CCDC38: variants seen among roughly 807,000 people sequenced by gnomAD.
CCDC38 encodes the protein coiled-coil domain-containing protein 38.
CCDC38 carries 69 observed loss-of-function variants against 72.8 expected under a neutral mutation model. That is an observed-to-expected ratio of 0.95 (90% CI 0.78 to 1.16). CCDC38 has a LOEUF of 1.16. Ranked by LOEUF, CCDC38 falls within the 50% of genes most tolerant of loss-of-function variation. The pLI is 0.00. For synonymous variants in CCDC38, 201 were observed against 213.2 expected, an observed-to-expected ratio of 0.94 and a Z score of 0.50; for missense variants, 626 against 638.9, an observed-to-expected ratio of 0.98 and a Z score of 0.22.
At chr12:95,897,509 C>A (rs113061209) in intron 7 of CCDC38, among the ~76,000 whole-genome samples, 28,318 of 149,684 alleles carry the variant, frequency 0.19, 2,781 homozygotes, top group African/African-American at 0.24. Flanking sequence ...ACTCAAGTGG[C>A]TGAGGCAGGA....
At chr12:95,871,257 A>G (rs577789548) in intron 14 of CCDC38, among the ~76,000 whole-genome samples, 60 of 152,340 alleles carry the variant, frequency 3.9e-4, no homozygotes, top group African/African-American at 1.4e-3. Context: ...AAATATTTGG[A>G]GAAAAGCCCC....
chr12:95,927,368 T>G (rs961730978), intron 2 of CCDC38, among the ~76,000 whole-genome samples: 5 of 150,730 alleles, frequency 3.3e-5, no homozygotes, highest in African/African-American at 1.2e-4. Flanking sequence ...AACCCCTGCC[T>G]TTTTTTGTTT....
intron 5 of CCDC38, among the ~76,000 whole-genome samples, chr12:95,901,090 A>G (rs2079945628): frequency 6.6e-6 from 1 of 152,214 alleles, no homozygotes; most frequent in African/African-American, 2.4e-5. Flanking sequence ...TTATAACCCT[A>G]ATACATGCTA....
chr12:95,870,971 C>T (rs2079575016), intron 14 of CCDC38, among the ~76,000 whole-genome samples: 2 of 152,162 alleles, frequency 1.3e-5, no homozygotes, highest in South Asian at 2.1e-4. Flanking sequence ...ATAAAGAAAC[C>T]GACTAGAGTG....
chr12:95,909,632 C>T (rs941266047), intron 4 of CCDC38, among the ~76,000 whole-genome samples: 1 of 151,690 alleles, frequency 6.6e-6, no homozygotes, highest in Non-Finnish European at 1.5e-5. Context: ...CCTTGATGAA[C>T]ATAGACATGA....
intron 8 of CCDC38, among the ~76,000 whole-genome samples, chr12:95,893,378 C>T (rs2079849414): frequency 6.6e-6 from 1 of 150,602 alleles, no homozygotes; most frequent in South Asian, 2.1e-4. Flanking sequence ...TTTTTTGAGA[C>T]AGGTTTTCTT....
chr12:95,881,794 AG>A (rs2079703299), intron 10 of CCDC38, among the ~76,000 whole-genome samples: 1 of 152,220 alleles, frequency 6.6e-6, no homozygotes, highest in Non-Finnish European at 1.5e-5. Context: ...ACCACATGGG[AG>A]GGCCATACCA....
chr12:95,907,892 G>C (rs531530558), intron 4 of CCDC38, among the ~76,000 whole-genome samples: 1 of 150,954 alleles, frequency 6.6e-6, no homozygotes, highest in African/African-American at 2.4e-5. Context: ...TGGCGGCCGG[G>C]AAGAGGCGCT....
chr12:95,941,004 T>C (rs1437748259), intron 1 of CCDC38, among the ~76,000 whole-genome samples: 2 of 152,186 alleles, frequency 1.3e-5, no homozygotes, highest in African/African-American at 4.8e-5. Flanking sequence ...ATGTTGGTTA[T>C]TACCAAGGAA....
intron 10 of CCDC38, among the ~76,000 whole-genome samples, chr12:95,883,821 G>C (rs1357849141): frequency 6.6e-6 from 1 of 152,190 alleles, no homozygotes; most frequent in African/African-American, 2.4e-5. Context: ...CTTTCTGAGG[G>C]AGCGAATGTG....
At chr12:95,893,150 T>C (rs1340504716) in intron 8 of CCDC38, among the ~76,000 whole-genome samples, 1 of 152,192 alleles carries the variant, frequency 6.6e-6, no homozygotes, top group Non-Finnish European at 1.5e-5. Context: ...TATACATTAG[T>C]TTTAGAATAT....
chr12:95,913,670 G>T (rs1200220964), intron 4 of CCDC38, among the ~76,000 whole-genome samples: 2 of 152,158 alleles, frequency 1.3e-5, no homozygotes, highest in Non-Finnish European at 2.9e-5. Flanking sequence ...AGAGGAAAAT[G>T]ATGCAATATA....
At chr12:95,905,671 C>A (rs12099927) in intron 5 of CCDC38, among the ~76,000 whole-genome samples, 10,696 of 152,212 alleles carry the variant, frequency 0.07, 962 homozygotes, top group African/African-American at 0.21. Flanking sequence ...GACACATCAA[C>A]ATCTTTAGAT....
intron 5 of CCDC38, chr12:95,903,558 C>A (rs1565954600): frequency 3.0e-6 from 2 of 666,002 alleles, no homozygotes; most frequent in African/African-American, 1.8e-5. Context: ...AGTTGAGGAA[C>A]TTCTCTTCTG....
chr12:95,891,618 G>T (rs2079828501), intron 8 of CCDC38, among the ~76,000 whole-genome samples: 1 of 152,112 alleles, frequency 6.6e-6, no homozygotes, highest in Admixed American at 6.6e-5. Flanking sequence ...AAATTGTTGG[G>T]ATTACAAGAT....
intron 10 of CCDC38, chr12:95,885,451 G>A (rs1427202783): frequency 5.6e-6 from 1 of 179,958 alleles, no homozygotes; most frequent in East Asian, 1.3e-4. Flanking sequence ...TAACTGTCCT[G>A]TAACAAGACT....
Position 95,898,584 on chromosome 12 carries a change from C to G in CCDC38, c.517G>C (p.Val173Leu). The change falls in exon 6 of 16, where the codon GTA becomes CTA. Residue 173 changes from valine (V) to leucine (L), a missense_variant. Val to Leu is a conservative substitution (Grantham distance 32). Transcript: ENST00000344280. Reference protein sequence around the residue: ...EFLRENDQRSVDALKMAAQET... With the variant: ...EFLRENDQRSLDALKMAAQET... Reference sequence around the variant, plus strand: ...GAAACAAACATTTTCAGAGCGTCTACAGATCTCTGGTCATTTTCTCGAAGG... The same window carrying G: ...GAAACAAACATTTTCAGAGCGTCTAGAGATCTCTGGTCATTTTCTCGAAGG... 1 of 1,614,144 alleles carries G rather than the reference C, an allele frequency of 6.2e-7. No homozygotes were observed. The highest frequency in any genetic ancestry group is 1.1e-5 in the South Asian group (1 of 91,078).
intron 11 of CCDC38, among the ~76,000 whole-genome samples, chr12:95,881,212 A>G (rs1338154651): frequency 6.6e-6 from 1 of 150,548 alleles, no homozygotes; most frequent in Non-Finnish European, 1.5e-5. Context: ...GGCTATTTTT[A>G]CAAGAAGATT....
At chr12:95,906,031 T>A (rs1197222854) in intron 5 of CCDC38, among the ~76,000 whole-genome samples, 1 of 152,172 alleles carries the variant, frequency 6.6e-6, no homozygotes, top group Admixed American at 6.5e-5. Flanking sequence ...CTGCATTAAA[T>A]AGGGCATCTC....
Sources: gnomAD v4.1 joint callset for allele counts (sites outside exome capture counted in the v4.1 genomes callset) on GRCh38, gnomAD v4.1.1 for gene constraint, MANE v1.5 for transcripts, NCBI Gene and HGNC (gene_info 2026-07-23, HGNC 2026-07-21) for gene names.